The following ZAN variants were observed in gnomAD, a reference collection of about 807,000 sequenced individuals.
The protein encoded by ZAN is zonadhesin (gene/pseudogene).
A neutral mutation model predicts 286.2 loss-of-function variants in ZAN; 260 were observed. That is an observed-to-expected ratio of 0.91 (90% CI 0.82 to 1.01). The LOEUF is 1.01. Among genes scored for constraint, ZAN ranks in the 50% least tolerant of loss-of-function variants. The pLI, the probability that ZAN is intolerant of heterozygous loss-of-function variation, is 0.00. For missense variants in ZAN, 3,410 were observed against 3,639.2 expected (o/e 0.94, Z 1.62); for synonymous variants, 1,368 against 1,417.5 (o/e 0.97, Z 0.79).
In ZAN at chr7:100,751,766, C is replaced by G; in HGVS notation, c.1661C>G (p.Ser554Cys). Residue 554 changes from serine (S) to cysteine (C), a missense_variant, in exon 14 of 48, where the codon TCT becomes TGT. Physicochemically the swap from Ser to Cys is moderately radical, Grantham distance 112 (BLOSUM62 -1). Transcript: ENST00000613979. The part of the protein sequence containing the change: ...PVSPVSSTGP[S>C]ETTGLTENPT... ...TCTCCAGTTTCTTCCACTGGCCCTT[C>G]TGAAACCACTGGCCTCACAGAAAAC... The G allele has an allele frequency of 6.2e-7, 1 of 1,605,472 alleles. No individual in the cohort carries two copies. The highest frequency in any genetic ancestry group is 8.5e-7 in the Non-Finnish European group (1 of 1,177,942).
At chr7:100,777,851 C>G (rs1810925342) in intron 34 of ZAN, among the ~76,000 whole-genome samples, 1 of 152,038 alleles carries the variant, frequency 6.6e-6, no homozygotes, top group Non-Finnish European at 1.5e-5. Flanking sequence ...CTCGGCCCCC[C>G]AAAGTGCTGG....
chr7:100,738,318 T>G, intron 6 of ZAN, 143 bp from the exon 7 acceptor site: 1 of 771,710 alleles, frequency 1.3e-6, no homozygotes, highest in Non-Finnish European at 2.1e-6. Context: ...CTTGAGAGGT[T>G]GAGGTGGGAG....
intron 7 of ZAN, among the ~76,000 whole-genome samples, chr7:100,744,501 G>C: frequency 6.6e-6 from 1 of 151,136 alleles, no homozygotes; most frequent in East Asian, 1.9e-4. Flanking sequence ...GGGAGGCTGA[G>C]GCAGGAGAAT....
intron 37 of ZAN, among the ~76,000 whole-genome samples, chr7:100,787,638 T>G (rs937554296): frequency 6.6e-6 from 1 of 152,140 alleles, no homozygotes; most frequent in Non-Finnish European, 1.5e-5. Context: ...CGGCGCTCAC[T>G]ACAACCTCTG....
At chr7:100,775,872 C>T in intron 33 of ZAN, 39 bp downstream of exon 33, 1 of 1,602,576 alleles carries the variant, frequency 6.2e-7, no homozygotes. Context: ...GGGGAGGCAG[C>T]CCCAGGGAGA....
At chr7:100,761,405 C>T (rs563431054) in intron 19 of ZAN, among the ~76,000 whole-genome samples, 20 of 151,852 alleles carry the variant, frequency 1.3e-4, no homozygotes, top group African/African-American at 2.9e-4. Context: ...GCTGGGAGGC[C>T]GAAGCAAGAG....
In ZAN at chr7:100,759,709, C is replaced by G; in HGVS notation, c.3572-12C>G. 1 of 1,578,124 alleles carries G rather than the reference C, an allele frequency of 6.3e-7. No homozygotes were observed. The highest frequency in any genetic ancestry group is 1.4e-5 in the African/African-American group (1 of 74,018). On this transcript the variant is annotated splice_polypyrimidine_tract_variant and intron_variant, in intron 17 of 47. Transcript: ENST00000613979. ...GAGCCACTGGGCTCTCTTCATTCCT[C>G]TCCCTACCCAGACCCATTCTTCAGG...
chr7:100,751,366 G>C (rs773042523), intron 13 of ZAN, 100 bp downstream of exon 13: 1 of 809,272 alleles, frequency 1.2e-6, no homozygotes, highest in African/African-American at 1.8e-5. Flanking sequence ...CCTGGAGCCC[G>C]AATTCTCACC....
chr7:100,787,952 GCTTGCAAGGCCGCATGACCTAT>G lies in ZAN; in HGVS notation c.7044_7065del (p.Leu2349PhefsTer2). 2 of 484,888 alleles carry G rather than the reference GCTTGCAAGGCCGCATGACCTAT, an allele frequency of 4.1e-6. No homozygotes were observed. The highest frequency in any genetic ancestry group is 2.6e-5 in the South Asian group (1 of 38,070). 30.0% of individuals were successfully genotyped at this position (484,888 alleles called of 1,614,324 possible). On this transcript the variant is annotated frameshift_variant, in exon 38 of 48. Coordinates refer to ENST00000613979, the MANE Select transcript of ZAN (RefSeq NM_003386.3). LOFTEE classifies it high-confidence loss of function. The stretch of plus-strand genomic sequence containing the variant: ...CTCACATTTGACGGCTTCAGCTACC[GCTTGCAAGGCCGCATGACCTAT>G]GTTCTGATCAAGACTGTGGACGTAC...
chr7:100,782,166 C>T (rs1355061151), intron 35 of ZAN, among the ~76,000 whole-genome samples: 2 of 150,230 alleles, frequency 1.3e-5, no homozygotes, highest in Non-Finnish European at 3.0e-5. Flanking sequence ...CAAAGTTTTC[C>T]AGTCCTTTTT....
At chr7:100,792,366 C>G in intron 41 of ZAN, 39 bp from the exon 42 acceptor site, 2 of 1,567,778 alleles carry the variant, frequency 1.3e-6, no homozygotes, top group Non-Finnish European at 1.7e-6. Flanking sequence ...CTCCCCTCCC[C>G]AAACTGACTG....
chr7:100,751,610 G>A lies in ZAN; in HGVS notation c.1607-102G>A, dbSNP rs146053730. ...GGGGTTTGGGAGTAGAAAGAGAGGT[G>A]TGAATAAGCCACCCATGGGAGCCCA... is the stretch of plus-strand genomic sequence containing the variant. On this transcript the variant is annotated intron_variant, in intron 13 of 47. Transcript: ENST00000613979. 292 of 1,308,400 alleles carry A rather than the reference G, an allele frequency of 2.2e-4. 1 individual carries two copies. The East Asian group carries it at 4.9e-3, about 22-fold the overall frequency. The allele number at this position is 1,308,400 out of a possible 1,614,324, so 81.0% of individuals were successfully genotyped here.
Position 100,767,236 on chromosome 7 carries a change from G to C in ZAN, c.4839G>C (p.Leu1613=). 1 of 1,611,326 alleles carries C rather than the reference G, an allele frequency of 6.2e-7. No homozygotes were observed. Among genetic ancestry groups the C allele is most frequent in the Non-Finnish European group, 8.5e-7 (1 of 1,179,814 alleles). ...HVTVFDLSIS[L]LRGCKVMLNG... ...CAGTCTTTGACCTCAGCATCTCACT[G>C]CTCAGAGGCTGTAAGGTCATGGTGG... Residue 1613 remains leucine (L), a synonymous_variant, in exon 25 of 48, where the codon CTG becomes CTC. Coordinates refer to ENST00000613979, the MANE Select transcript of ZAN (RefSeq NM_003386.3).
In ZAN at chr7:100,784,806, G is replaced by A. The variant is rs747098013; in HGVS notation, c.6806G>A (p.Cys2269Tyr). ...TGTGTCCCCAGAAGTCAGTGTGGCTGCAAGGATGCCCATGGTGGCTCCATC... is the reference window on the plus strand; with the variant it reads ...TGTGTCCCCAGAAGTCAGTGTGGCTACAAGGATGCCCATGGTGGCTCCATC... ...DKCVPRSQCG[C>Y]KDAHGGSIPL... Residue 2269 changes from cysteine to tyrosine, a missense_variant, in exon 36 of 48, where the codon TGC becomes TAC. Coordinates refer to ENST00000613979, the MANE Select transcript of ZAN (RefSeq NM_003386.3). The A allele has an allele frequency of 2.5e-6, 4 of 1,606,252 alleles. No homozygotes were observed. Among genetic ancestry groups the A allele is most frequent in the South Asian group, 1.1e-5 (1 of 90,416 alleles).
At chr7:100,738,371 T>C in intron 6 of ZAN, 90 bp from the exon 7 acceptor site, 1 of 1,240,950 alleles carries the variant, frequency 8.1e-7, no homozygotes. Flanking sequence ...TGAGCTATGA[T>C]CACACCACTG....
At position 100,737,393 on chromosome 7, in the gene ZAN, T is replaced by C; in HGVS notation, c.613+44T>C. ...TCCCGCCTGCCCTCGGACCCTTTTC[T>C]CTCCGTCCTTGCACAACAAGAAGAG... On this transcript the variant is annotated intron_variant, in intron 6 of 47. Transcript: ENST00000613979. 6 of 1,268,076 alleles carry C rather than the reference T, an allele frequency of 4.7e-6. 1 individual carries two copies. The highest frequency in any genetic ancestry group is 6.5e-6 in the Non-Finnish European group (6 of 919,042). The allele number at this position is 1,268,076 out of a possible 1,614,324, so 78.6% of individuals were successfully genotyped here.
chr7:100,748,212 G>C lies in ZAN; in HGVS notation c.1099G>C (p.Gly367Arg), dbSNP rs370737759. Reference sequence around the variant, plus strand: ...TGATGCAACCAGCATTGCTCCTTGTGGGGGTGAGAGCAGGCCCTGAGAGGC... The same window carrying C: ...TGATGCAACCAGCATTGCTCCTTGTCGGGGTGAGAGCAGGCCCTGAGAGGC... Reference protein sequence around the residue: ...AVDATSIAPCGEGFPQCDFED... With the variant: ...AVDATSIAPCREGFPQCDFED... Residue 367 changes from glycine to arginine, a missense_variant, in exon 10 of 48, where the codon GGG becomes CGG. This residue lies in a region of ZAN where 872 missense variants were observed against 938.9 expected (regional missense o/e 0.93). Coordinates refer to ENST00000613979, the MANE Select transcript of ZAN (RefSeq NM_003386.3). 5 of 1,613,910 alleles carry C rather than the reference G, an allele frequency of 3.1e-6. No homozygotes were observed. Among genetic ancestry groups the C allele is most frequent in the South Asian group, 2.2e-5 (2 of 91,070 alleles).
chr7:100,785,168 G>A (rs1811477560), intron 36 of ZAN, among the ~76,000 whole-genome samples: 2 of 151,272 alleles, frequency 1.3e-5, no homozygotes, highest in Admixed American at 1.3e-4. Flanking sequence ...TGTAAAATGG[G>A]TTCAGTAGTA....
At chr7:100,746,831 A>T in intron 8 of ZAN, 129 bp downstream of exon 8, 1 of 1,166,802 alleles carries the variant, frequency 8.6e-7, no homozygotes, top group African/African-American at 1.5e-5. Context: ...TATTCCATGA[A>T]GTGGAAATCA....
Sources: allele counts gnomAD v4.1 joint callset (sites outside exome capture counted in the v4.1 genomes callset), GRCh38; gene constraint gnomAD v4.1.1; regional missense constraint gnomAD v4.1.1; transcripts MANE v1.5; gene names NCBI Gene and HGNC (gene_info 2026-07-23, HGNC 2026-07-21).